Variants in ZSCAN25 observed in about 807,000 individuals in gnomAD.
The protein encoded by ZSCAN25 is zinc finger and SCAN domain containing 25.
In ZSCAN25, 27 loss-of-function variants were observed where a neutral mutation model predicts 38.7. The ratio of observed to expected loss-of-function variants is 0.70; its 90% CI spans 0.51 to 0.96. The LOEUF (loss-of-function observed/expected upper bound fraction) is 0.96. ZSCAN25 is among the 40% of genes least tolerant of loss of function. ZSCAN25 has a pLI of 0.00. For missense variants in ZSCAN25, 637 were observed against 705.9 expected, an observed-to-expected ratio of 0.90 and a Z score of 1.11; for synonymous variants, 273 against 277.7, an observed-to-expected ratio of 0.98 and a Z score of 0.17.
the ZSCAN25 span, among the ~76,000 whole-genome samples, chr7:99,696,280 C>A: frequency 2.0e-5 from 3 of 150,016 alleles, no homozygotes; most frequent in Admixed American, 2.0e-4. Context: ...GATTTTGCAT[C>A]ACTGCATCCA....
chr7:99,619,509 A>T, intron 3 of ZSCAN25, 52 bp from the exon 4 acceptor site: 2 of 1,365,528 alleles, frequency 1.5e-6, no homozygotes, highest in Non-Finnish European at 9.9e-7. Context: ...TCCTTGATGT[A>T]GAGACAGAAC....
chr7:99,683,671 T>C, the ZSCAN25 span, among the ~76,000 whole-genome samples: 3 of 152,176 alleles, frequency 2.0e-5, no homozygotes, highest in African/African-American at 7.2e-5. Flanking sequence ...CCATGCCCTG[T>C]TTAGGCTCTG....
At chr7:99,680,803 C>T in the ZSCAN25 span, among the ~76,000 whole-genome samples, 3 of 152,204 alleles carry the variant, frequency 2.0e-5, no homozygotes, top group South Asian at 4.1e-4. Flanking sequence ...CCACTTAATT[C>T]CTCATAAGGT....
chr7:99,660,377 C>T, the ZSCAN25 span: 635 of 1,464,406 alleles, frequency 4.3e-4, 5 homozygotes, highest in South Asian at 8.5e-3. Flanking sequence ...AGGCTTCCTA[C>T]ATTATGTCAG....
the ZSCAN25 span, among the ~76,000 whole-genome samples, chr7:99,661,664 C>A: frequency 5.9e-5 from 9 of 152,158 alleles, no homozygotes; most frequent in Non-Finnish European, 1.3e-4. Context: ...AACTCACAAC[C>A]AAACACAATA....
At chr7:99,657,355 A>T in the ZSCAN25 span, among the ~76,000 whole-genome samples, 1 of 152,218 alleles carries the variant, frequency 6.6e-6, no homozygotes, top group Non-Finnish European at 1.5e-5. Context: ...GTAGTCATTC[A>T]GGAGCAGGTT....
rs1372683991 is a variant in ZSCAN25 at position 99,629,578 on chromosome 7, T to C, written c.1193T>C (p.Leu398Pro). 6.2e-7 allele frequency: 1 copy of C among 1,614,160 alleles called. No homozygotes were observed. Among genetic ancestry groups the C allele is most frequent in the East Asian group, 2.2e-5 (1 of 44,882 alleles). ...CTGATGAAGCACCAGAGAACCCACC[T>C]GGGAAAGAGGCCCTACGTGTGCAGC... ...EYLMKHQRTHLGKRPYVCSEC... is the reference protein window; with the variant it reads ...EYLMKHQRTHPGKRPYVCSEC... The change falls in exon 8 of 8, where the codon CTG becomes CCG. Residue 398 changes from leucine to proline, a missense_variant. Leu to Pro is a moderately conservative substitution (Grantham distance 98). Transcript: ENST00000394152. The surrounding 1 kb of genome is among the most constrained non-coding windows in gnomAD (Gnocchi z 5.6).
At chr7:99,666,467 C>G in the ZSCAN25 span, 1 of 947,360 alleles carries the variant, frequency 1.1e-6, no homozygotes, top group African/African-American at 1.6e-5. Flanking sequence ...TCTTAGGTGG[C>G]TCTTTGGAGT....
At chr7:99,642,194 T>C in the ZSCAN25 span, among the ~76,000 whole-genome samples, 2 of 152,232 alleles carry the variant, frequency 1.3e-5, no homozygotes, top group East Asian at 3.8e-4. Context: ...GCAAATTCTT[T>C]GACACTCTTT....
the ZSCAN25 span, among the ~76,000 whole-genome samples, chr7:99,727,366 A>G: frequency 3.3e-5 from 5 of 152,192 alleles, no homozygotes; most frequent in Non-Finnish European, 7.3e-5. Context: ...TACAGTTCTC[A>G]TAACTTCCAA....
chr7:99,617,695 A>G (rs1806588776), intron 1 of ZSCAN25, among the ~76,000 whole-genome samples: 1 of 152,226 alleles, frequency 6.6e-6, no homozygotes, highest in Non-Finnish European at 1.5e-5. Flanking sequence ...CAGTGATCGC[A>G]CCACTGGTCT....
rs1309967374 is a variant in ZSCAN25, at chr7:99,629,488, G to A, written c.1103G>A (p.Arg368Gln). 18 of 1,614,220 alleles carry A rather than the reference G, an allele frequency of 1.1e-5. No homozygotes were observed. Among genetic ancestry groups the A allele is most frequent in the Non-Finnish European group, 1.3e-5 (15 of 1,180,030 alleles). ...AGCTCCAATCTCGTCAGGCACCAGCGAACCCACGAAGAGAAGTCTTATGGC... is the reference window on the plus strand; with the variant it reads ...AGCTCCAATCTCGTCAGGCACCAGCAAACCCACGAAGAGAAGTCTTATGGC... Reference protein sequence around the residue: ...SRSSNLVRHQRTHEEKSYGCV... With the variant: ...SRSSNLVRHQQTHEEKSYGCV... Residue 368 changes from arginine (R) to glutamine (Q), a missense_variant, in exon 8 of 8, where the codon CGA (arginine) becomes CAA (glutamine). By Grantham distance (43) the Arg-to-Gln change is conservative. Transcript: ENST00000394152. This position sits in a 1 kb window ranked among gnomAD's most constrained non-coding sequence, Gnocchi z 5.6.
At chr7:99,717,123 G>C in the ZSCAN25 span, 4 of 1,609,396 alleles carry the variant, frequency 2.5e-6, no homozygotes, top group Non-Finnish European at 3.4e-6. Flanking sequence ...TCCATAGCAG[G>C]CAGCTGGAGG....
chr7:99,679,719 T>C, the ZSCAN25 span: 1 of 1,064,840 alleles, frequency 9.4e-7, no homozygotes, highest in Non-Finnish European at 1.4e-6. Context: ...CTTCAGCTAC[T>C]TCTCCTTGAA....
the ZSCAN25 span, among the ~76,000 whole-genome samples, chr7:99,641,592 C>T: frequency 4.3e-4 from 65 of 152,252 alleles, no homozygotes; most frequent in African/African-American, 1.5e-3. Context: ...ATCAAGTAGG[C>T]ATCTCAAACT....
At chr7:99,646,032 A>G in the ZSCAN25 span, among the ~76,000 whole-genome samples, 1 of 152,136 alleles carries the variant, frequency 6.6e-6, no homozygotes, top group African/African-American at 2.4e-5. Context: ...GTATACTTTG[A>G]AGTCAGGTAA....
chr7:99,642,530 A>G, the ZSCAN25 span, among the ~76,000 whole-genome samples: 1 of 152,238 alleles, frequency 6.6e-6, no homozygotes, highest in Non-Finnish European at 1.5e-5. Context: ...GAAACTGCCA[A>G]GCTCAGCCTA....
At chr7:99,664,060 A>G in the ZSCAN25 span, 3 of 1,596,192 alleles carry the variant, frequency 1.9e-6, no homozygotes, top group African/African-American at 4.1e-5. Context: ...GAGACATTTA[A>G]TGCTTCAAAA....
chr7:99,687,150 G>A, the ZSCAN25 span, among the ~76,000 whole-genome samples: 1 of 152,352 alleles, frequency 6.6e-6, no homozygotes, highest in South Asian at 2.1e-4. Flanking sequence ...CTCCTCACCA[G>A]CAATGGAACA....
Sources: allele counts gnomAD v4.1 joint callset (sites outside exome capture counted in the v4.1 genomes callset), GRCh38; gene constraint gnomAD v4.1.1; non-coding constraint Gnocchi (gnomAD v3.1); transcripts MANE v1.5; gene names NCBI Gene and HGNC (gene_info 2026-07-23, HGNC 2026-07-21).